The following ARMCX4 variants were observed in gnomAD, a reference collection of about 807,000 sequenced individuals.
ARMCX4 encodes armadillo repeat-containing X-linked protein 4.
In ARMCX4, 3 loss-of-function variants were observed where a neutral mutation model predicts 34.7. The ratio of observed to expected loss-of-function variants is 0.09; its 90% CI spans 0.04 to 0.22. The LOEUF is 0.22. Ranked by LOEUF, ARMCX4 falls within the 10% of genes least tolerant of loss-of-function variation. The pLI is 1.00. For missense variants in ARMCX4, 1,448 were observed against 1,720.8 expected (o/e 0.84, Z 2.81); for synonymous variants, 513 against 632.8 (o/e 0.81, Z 2.84).
intron 2 of ARMCX4, among the ~76,000 whole-genome samples, chrX:101,433,892 G>T (rs1223456027): frequency 9.0e-6 from 1 of 110,965 alleles, no homozygotes; most frequent in Non-Finnish European, 1.9e-5. Flanking sequence ...TTTTGCCTTA[G>T]AACATTCTTT....
At chrX:101,428,860 G>T (rs1331573908) in intron 2 of ARMCX4, among the ~76,000 whole-genome samples, 1 of 100,232 alleles carries the variant, frequency 1.0e-5, no homozygotes, top group African/African-American at 3.5e-5. Flanking sequence ...TTCTGTTTTG[G>T]TATTTCTTTT....
rs1464284431 is a variant in ARMCX4, at chrX:101,489,099, A to G, written c.510A>G (p.Lys170=). The G allele has an allele frequency of 8.7e-7, 1 of 1,154,943 alleles. No homozygotes were observed. Among genetic ancestry groups the G allele is most frequent in the African/African-American group, 1.8e-5 (1 of 55,909 alleles). ...AAGCAGTGACACAGACCAAGGCTAA[A>G]GCTTGGGCGCTGGTTGCCAAGACAG... is the stretch of plus-strand genomic sequence containing the variant. ...KKEAVTQTKA[K]AWALVAKTEA... is the part of the protein sequence containing the mutation. The change falls in exon 6 of 6, where the codon AAA becomes AAG. Residue 170 remains lysine (K), a synonymous_variant. Coordinates refer to ENST00000423738, the MANE Select transcript of ARMCX4 (RefSeq NM_001256155.3).
intron 4 of ARMCX4, among the ~76,000 whole-genome samples, chrX:101,456,379 T>C (rs1239857294): frequency 9.0e-6 from 1 of 111,630 alleles, no homozygotes; most frequent in African/African-American, 3.3e-5. Context: ...TATGAGATGG[T>C]ATTTTATTGT....
downstream of ARMCX4, among the ~76,000 whole-genome samples, chrX:101,497,145 A>G (rs1226957310): frequency 8.9e-6 from 1 of 112,146 alleles, no homozygotes; most frequent in Non-Finnish European, 1.9e-5. Context: ...AAAAGTATAT[A>G]TCTAAATTAT....
At chrX:101,456,787 G>A (rs1393327767) in intron 4 of ARMCX4, among the ~76,000 whole-genome samples, 2 of 110,755 alleles carry the variant, frequency 1.8e-5, no homozygotes, top group African/African-American at 3.3e-5. Flanking sequence ...TTTCTTAATT[G>A]TCTAATTTTT....
At chrX:101,526,304 G>C (rs1556020473) in intron 11 of ARMCX4, among the ~76,000 whole-genome samples, 1 of 111,715 alleles carries the variant, frequency 9.0e-6, no homozygotes, top group Non-Finnish European at 1.9e-5. Flanking sequence ...GTCACCACCA[G>C]GCCTGCCTTA....
intron 2 of ARMCX4, among the ~76,000 whole-genome samples, chrX:101,425,997 A>G (rs1384808575): frequency 1.8e-5 from 2 of 109,744 alleles, no homozygotes; most frequent in Admixed American, 2.0e-4. Context: ...TAATTTTTGC[A>G]TTTTTTGTAG....
intron 2 of ARMCX4, among the ~76,000 whole-genome samples, chrX:101,432,502 A>G (rs1555992302): frequency 9.1e-6 from 1 of 109,981 alleles, no homozygotes; most frequent in Non-Finnish European, 1.9e-5. Flanking sequence ...CTCTACTGGA[A>G]ATACAGAAAT....
chrX:101,528,522 A>C (rs1935038505), intron 11 of ARMCX4, among the ~76,000 whole-genome samples: 1 of 111,634 alleles, frequency 9.0e-6, no homozygotes, highest in African/African-American at 3.3e-5. Context: ...GTATTCAATT[A>C]GGAAAAGAGG....
intron 12 of ARMCX4, chrX:101,532,222 C>T (rs1307734701): frequency 1.8e-5 from 2 of 111,593 alleles, no homozygotes; most frequent in Non-Finnish European, 3.8e-5. Flanking sequence ...TGAGGTTACA[C>T]AGGACTAGGA....
At chrX:101,531,412 G>A (rs1935125607) in intron 11 of ARMCX4, among the ~76,000 whole-genome samples, 1 of 111,709 alleles carries the variant, frequency 9.0e-6, no homozygotes, top group Admixed American at 9.6e-5. Flanking sequence ...AAGTGTTCTA[G>A]AGCTTAGGAA....
At chrX:101,472,763 A>G (rs1449809613) in intron 4 of ARMCX4, among the ~76,000 whole-genome samples, 1 of 90,121 alleles carries the variant, frequency 1.1e-5, no homozygotes, top group Non-Finnish European at 2.1e-5. Flanking sequence ...ATGCTGAGAG[A>G]TTTTGTCACC....
chrX:101,475,858 G>GTATA (rs781795050), intron 4 of ARMCX4, among the ~76,000 whole-genome samples: 4 of 108,671 alleles, frequency 3.7e-5, no homozygotes, highest in African/African-American at 1.0e-4. Context: ...ATGCAAAATA[G>GTATA]TATATATATA....
chrX:101,441,081 A>G (rs1201636476), intron 2 of ARMCX4, among the ~76,000 whole-genome samples: 2 of 111,258 alleles, frequency 1.8e-5, no homozygotes, highest in African/African-American at 6.5e-5. Flanking sequence ...TGGGAGCTGT[A>G]GACTGGAGCT....
chrX:101,488,809 G>A lies in ARMCX4; in HGVS notation c.220G>A (p.Gly74Arg). The change falls in exon 6 of 6, where the codon GGA becomes AGA. Residue 74 changes from glycine (G) to arginine (R), a missense_variant. Gly to Arg is a moderately radical substitution (Grantham distance 125, BLOSUM62 -2). This residue lies in a region of ARMCX4 where 1,343 missense variants were observed against 1,540.7 expected (regional missense o/e 0.87). Transcript: ENST00000423738. Reference sequence around the variant, plus strand: ...TAAGACTAAACCCCAAGTCGAGATTGGAGCAGAAACTGGAGCAAGAAGTGG... The same window carrying A: ...TAAGACTAAACCCCAAGTCGAGATTAGAGCAGAAACTGGAGCAAGAAGTGG... ...EIKTKPQVEI[G>R]AETGARSGPR... The A allele has an allele frequency of 1.7e-6, 2 of 1,156,443 alleles. No homozygotes were observed. The highest frequency in any genetic ancestry group is 2.3e-6 in the Non-Finnish European group (2 of 873,089).
rs1199438918 is a variant in ARMCX4 at position 101,489,623 on chromosome X, A to G, written c.1034A>G (p.Asn345Ser). The G allele has an allele frequency of 2.6e-6, 3 of 1,153,212 alleles. No homozygotes were observed. Among genetic ancestry groups the G allele is most frequent in the East Asian group, 6.5e-5 (2 of 30,677 alleles). The change falls in exon 6 of 6, where the codon AAT becomes AGT. Residue 345 changes from asparagine to serine, a missense_variant. Asn to Ser is a conservative substitution (Grantham distance 46). This residue lies in a region of ARMCX4 where 1,343 missense variants were observed against 1,540.7 expected (regional missense o/e 0.87). Coordinates refer to ENST00000423738, the MANE Select transcript of ARMCX4 (RefSeq NM_001256155.3). ...AAGATTGATGCCGGGGGTAACACCA[A>G]TGCCATGTGTAAGGTGGGGGCAGGG... ...GAKIDAGGNT[N>S]AMCKVGAGAD...
intron 11 of ARMCX4, among the ~76,000 whole-genome samples, chrX:101,523,201 A>C (rs1264599584): frequency 8.9e-6 from 1 of 111,854 alleles, no homozygotes; most frequent in Admixed American, 9.5e-5. Context: ...ACCATAGGCT[A>C]CTCTGACCCA....
intron 2 of ARMCX4, among the ~76,000 whole-genome samples, chrX:101,443,035 G>A (rs187271649): frequency 1.5e-4 from 16 of 106,407 alleles, no homozygotes; most frequent in African/African-American, 5.5e-4. Context: ...GGAGGCTGAG[G>A]CAGGAGAATG....
In ARMCX4 at chrX:101,454,000, G is replaced by C. The variant is rs189644142; in HGVS notation, c.-473+7956G>C. Among the ~76,000 whole-genome samples the C allele has an allele frequency of 1.6e-4, 18 of 110,650 alleles. No homozygotes were observed. In the East Asian group the frequency reaches 3.7e-3, roughly 23 times the overall value. The stretch of plus-strand genomic sequence containing the variant: ...AAGCCAGATGTTGAGTAAGGTTTTA[G>C]AGATATAGCGTCGTTACCCTCAAGA... On this transcript the variant is annotated intron_variant and NMD_transcript_variant, in intron 4 of 15. Transcript: ENST00000433011.
Sources: allele counts gnomAD v4.1 joint callset (sites outside exome capture counted in the v4.1 genomes callset), GRCh38; gene constraint gnomAD v4.1.1; regional missense constraint gnomAD v4.1.1; transcripts MANE v1.5; gene names NCBI Gene and HGNC (gene_info 2026-07-23, HGNC 2026-07-21).